The following TBC1D5 variants were observed in gnomAD, a reference collection of about 807,000 sequenced individuals.
The protein encoded by TBC1D5 is TBC1 domain family member 5, also known as TBC1 domain family, member 5.
In TBC1D5, 75 loss-of-function variants were observed where a neutral mutation model predicts 100.3. The observed-to-expected ratio is 0.75, with a 90% CI of 0.62 to 0.91. The LOEUF (loss-of-function observed/expected upper bound fraction) is 0.91. TBC1D5 is among the 40% of genes least tolerant of loss of function. The pLI, the probability that TBC1D5 is intolerant of heterozygous loss-of-function variation, is 0.00. For synonymous variants in TBC1D5, 323 were observed against 325.6 expected (o/e 0.99, Z 0.09); for missense variants, 910 against 942.4 (o/e 0.97, Z 0.45).
chr3:17,438,753 C>G (rs1245843288), intron 3 of TBC1D5, among the ~76,000 whole-genome samples: 1 of 152,094 alleles, frequency 6.6e-6, no homozygotes, highest in African/African-American at 2.4e-5. Flanking sequence ...ATACAGATAA[C>G]AATTTAGTTT....
intron 13 of TBC1D5, among the ~76,000 whole-genome samples, chr3:17,327,820 G>GT (rs761063683): frequency 2.8e-4 from 42 of 151,674 alleles, no homozygotes; most frequent in Admixed American, 5.9e-4. Flanking sequence ...TGCTGTATGT[G>GT]GTTTTTTTTC....
chr3:17,638,373 A>G (rs1025990674), intron 1 of TBC1D5, among the ~76,000 whole-genome samples: 1 of 151,986 alleles, frequency 6.6e-6, no homozygotes, highest in Non-Finnish European at 1.5e-5. Context: ...TTTTGTCTCC[A>G]TAAATTAGCC....
intron 13 of TBC1D5, among the ~76,000 whole-genome samples, chr3:17,334,821 G>T (rs962615527): frequency 1.6e-4 from 24 of 152,232 alleles, no homozygotes; most frequent in African/African-American, 5.8e-4. Flanking sequence ...AAAGGATTCA[G>T]CAAGGTAATT....
chr3:17,201,645 G>A (rs936426374), intron 18 of TBC1D5, among the ~76,000 whole-genome samples: 8 of 152,112 alleles, frequency 5.3e-5, no homozygotes, highest in Admixed American at 3.9e-4. Context: ...TACAGGGGTG[G>A]ATTTCGCCCT....
chr3:17,238,707 T>C (rs550829235), intron 16 of TBC1D5, among the ~76,000 whole-genome samples: 1 of 152,246 alleles, frequency 6.6e-6, no homozygotes, highest in South Asian at 2.1e-4. Flanking sequence ...ATAGACACAG[T>C]TCCCTTCCTG....
chr3:17,724,275 T>G (rs1302868400), intron 1 of TBC1D5, among the ~76,000 whole-genome samples: 1 of 152,046 alleles, frequency 6.6e-6, no homozygotes, highest in Non-Finnish European at 1.5e-5. Context: ...TTAAAGTATT[T>G]GTAGAGATGG....
chr3:17,352,975 A>G (rs529104585), intron 13 of TBC1D5, among the ~76,000 whole-genome samples: 1 of 152,216 alleles, frequency 6.6e-6, no homozygotes, highest in East Asian at 1.9e-4. Context: ...TACAAACAGT[A>G]AAAGAAAAAA....
chr3:17,530,737 C>T (rs139592795), intron 2 of TBC1D5, among the ~76,000 whole-genome samples: 10,523 of 152,088 alleles, frequency 0.069, 719 homozygotes, highest in African/African-American at 0.18. Flanking sequence ...AAAAACCACA[C>T]GATTATCTCA....
chr3:17,649,763 T>C (rs2065360178), intron 1 of TBC1D5, among the ~76,000 whole-genome samples: 1 of 152,132 alleles, frequency 6.6e-6, no homozygotes, highest in Non-Finnish European at 1.5e-5. Context: ...CAATTAGAAG[T>C]ACCATTTGAC....
At chr3:17,453,274 C>T (rs755582383) in intron 3 of TBC1D5, among the ~76,000 whole-genome samples, 6 of 150,694 alleles carry the variant, frequency 4.0e-5, no homozygotes, top group Non-Finnish European at 7.4e-5. Flanking sequence ...CAAAAGCAAA[C>T]CAAACCCAAA....
chr3:17,691,049 A>G, intron 1 of TBC1D5, among the ~76,000 whole-genome samples: 1 of 152,246 alleles, frequency 6.6e-6, no homozygotes, highest in Non-Finnish European at 1.5e-5. Context: ...GTAAGCCAAC[A>G]GAAGAAACCA....
intron 1 of TBC1D5, among the ~76,000 whole-genome samples, chr3:17,694,158 G>A (rs1310948305): frequency 3.9e-5 from 6 of 152,206 alleles, no homozygotes; most frequent in Admixed American, 6.5e-5. Context: ...CAGAAAAGCT[G>A]AAAATTCCAA....
chr3:17,533,554 A>T (rs1269675112), intron 2 of TBC1D5, among the ~76,000 whole-genome samples: 3 of 152,212 alleles, frequency 2.0e-5, no homozygotes, highest in Non-Finnish European at 4.4e-5. Context: ...GATTAAAAAC[A>T]CTGCCTTCCT....
chr3:17,242,582 A>G (rs2076391245), intron 16 of TBC1D5, among the ~76,000 whole-genome samples: 1 of 152,030 alleles, frequency 6.6e-6, no homozygotes, highest in African/African-American at 2.4e-5. Context: ...AAGCATTTAA[A>G]GCTACACATA....
At chr3:17,394,588 G>A (rs2093445928) in intron 8 of TBC1D5, among the ~76,000 whole-genome samples, 1 of 152,018 alleles carries the variant, frequency 6.6e-6, no homozygotes, top group South Asian at 2.1e-4. Flanking sequence ...AATAAAAACA[G>A]ACATCTTACA....
intron 13 of TBC1D5, among the ~76,000 whole-genome samples, chr3:17,370,833 A>G (rs975173669): frequency 6.6e-6 from 1 of 152,150 alleles, no homozygotes; most frequent in Non-Finnish European, 1.5e-5. Context: ...ACATTTATTG[A>G]GCATCTACTA....
intron 3 of TBC1D5, among the ~76,000 whole-genome samples, chr3:17,446,714 G>T (rs2094805016): frequency 6.6e-6 from 1 of 152,196 alleles, no homozygotes; most frequent in South Asian, 2.1e-4. Flanking sequence ...GCTCGCGCCT[G>T]TAATCCCAGC....
chr3:17,666,881 T>C (rs1404473335), intron 1 of TBC1D5, among the ~76,000 whole-genome samples: 1 of 152,148 alleles, frequency 6.6e-6, no homozygotes, highest in African/African-American at 2.4e-5. Flanking sequence ...ATAGTAACAT[T>C]ATAACAATTA....
At chr3:17,404,920 T>G (rs761370646) in exon 6 of TBC1D5, 2 of 1,601,074 alleles carry the variant, frequency 1.2e-6, no homozygotes, top group East Asian at 4.5e-5. Flanking sequence ...CAATTCTACT[T>G]ATCCATTGAC....
Sources: gnomAD v4.1 joint callset for allele counts (sites outside exome capture counted in the v4.1 genomes callset) on GRCh38, gnomAD v4.1.1 for gene constraint, MANE v1.5 for transcripts, NCBI Gene and HGNC (gene_info 2026-07-23, HGNC 2026-07-21) for gene names.